RALGAPA2: variants seen among roughly 807,000 people sequenced by gnomAD.
RALGAPA2 encodes Ral GTPase activating protein catalytic subunit alpha 2.
RALGAPA2 carries 139 observed loss-of-function variants against 230.4 expected under a neutral mutation model. The observed-to-expected ratio is 0.60, with a 90% CI of 0.53 to 0.69. The LOEUF is 0.69. Ranked by LOEUF, RALGAPA2 falls within the 30% of genes least tolerant of loss-of-function variation. RALGAPA2 has a pLI of 0.00. For synonymous variants in RALGAPA2, 847 were observed against 837.8 expected (o/e 1.01, Z -0.19); for missense variants, 2,163 against 2,276.0 (o/e 0.95, Z 1.01).
At chr20:20,567,620 T>G (rs1408546077) in intron 23 of RALGAPA2, among the ~76,000 whole-genome samples, 2 of 152,150 alleles carry the variant, frequency 1.3e-5, no homozygotes, top group Non-Finnish European at 2.9e-5. Flanking sequence ...AGCCTGTATG[T>G]GAATTCTAAC....
chr20:20,461,442 G>A (rs73287263), intron 37 of RALGAPA2, among the ~76,000 whole-genome samples: 3 of 152,114 alleles, frequency 2.0e-5, no homozygotes, highest in Middle Eastern at 3.4e-3. Flanking sequence ...CAGCTAAGCC[G>A]AACTCTCAGC....
At chr20:20,644,306 T>C (rs568486681) in intron 4 of RALGAPA2, among the ~76,000 whole-genome samples, 1 of 152,260 alleles carries the variant, frequency 6.6e-6, no homozygotes, top group East Asian at 1.9e-4. Context: ...TCAGATCCTT[T>C]AAGAAAAAAA....
chr20:20,408,877 C>T (rs888875214), intron 38 of RALGAPA2, among the ~76,000 whole-genome samples: 2 of 152,248 alleles, frequency 1.3e-5, no homozygotes, highest in African/African-American at 4.8e-5. Flanking sequence ...AACTATAGTG[C>T]TAGGTAAAAA....
At chr20:20,531,841 T>C (rs2063377004) in intron 26 of RALGAPA2, 46 bp from the exon 27 acceptor site, 2 of 1,365,276 alleles carry the variant, frequency 1.5e-6, no homozygotes, top group Admixed American at 2.0e-5. Context: ...TGAAACTTAA[T>C]ATACTTTCTC....
chr20:20,503,581 C>A, intron 34 of RALGAPA2, 75 bp from the exon 35 acceptor site: 1 of 1,162,286 alleles, frequency 8.6e-7, no homozygotes, highest in Non-Finnish European at 1.1e-6. Context: ...ACTGTGAATT[C>A]AGAAAAAAAA....
chr20:20,407,143 G>C (rs1028851021), intron 38 of RALGAPA2, among the ~76,000 whole-genome samples: 2 of 152,126 alleles, frequency 1.3e-5, no homozygotes, highest in South Asian at 4.1e-4. Flanking sequence ...AAATTAATGT[G>C]ACAGGGTTAG....
intron 3 of RALGAPA2, among the ~76,000 whole-genome samples, chr20:20,662,165 T>C (rs1250244831): frequency 1.3e-5 from 2 of 152,204 alleles, no homozygotes; most frequent in Non-Finnish European, 2.9e-5. Context: ...TACAAAGTTA[T>C]TATTCTAAGC....
At chr20:20,436,757 C>T (rs1420567294) in intron 37 of RALGAPA2, among the ~76,000 whole-genome samples, 3 of 152,210 alleles carry the variant, frequency 2.0e-5, no homozygotes, top group Admixed American at 6.5e-5. Flanking sequence ...GGGTGAGTAG[C>T]GTTCTGGGAG....
chr20:20,492,636 G>T (rs770143693), intron 36 of RALGAPA2, among the ~76,000 whole-genome samples: 19 of 152,142 alleles, frequency 1.2e-4, no homozygotes, highest in African/African-American at 4.3e-4. Context: ...CAGGGAGCCC[G>T]CAGCATGTCC....
At chr20:20,470,107 C>G (rs185723074) in intron 37 of RALGAPA2, among the ~76,000 whole-genome samples, 2 of 152,216 alleles carry the variant, frequency 1.3e-5, no homozygotes, top group Admixed American at 1.3e-4. Flanking sequence ...GCCTTTGCTG[C>G]AGAGTTCCAA....
At chr20:20,663,479 TTTC>T in intron 3 of RALGAPA2, among the ~76,000 whole-genome samples, 2 of 152,294 alleles carry the variant, frequency 1.3e-5, no homozygotes, top group Middle Eastern at 3.4e-3. Context: ...AGTTTTTTTC[TTTC>T]TTATTAAGTC....
chr20:20,533,988 G>A (rs2063433228), intron 26 of RALGAPA2, among the ~76,000 whole-genome samples: 1 of 152,064 alleles, frequency 6.6e-6, no homozygotes, highest in Non-Finnish European at 1.5e-5. Context: ...GCAAATAAAA[G>A]CAAATATAAA....
chr20:20,412,508 C>T (rs767081725), intron 37 of RALGAPA2, among the ~76,000 whole-genome samples: 1 of 152,186 alleles, frequency 6.6e-6, no homozygotes, highest in Non-Finnish European at 1.5e-5. Flanking sequence ...CATCCTATTT[C>T]AGTGGATAAA....
At chr20:20,451,539 C>T (rs918238386) in intron 37 of RALGAPA2, among the ~76,000 whole-genome samples, 1 of 152,176 alleles carries the variant, frequency 6.6e-6, no homozygotes, top group Non-Finnish European at 1.5e-5. Context: ...ACTGCCTAAT[C>T]ATTTCATGGT....
chr20:20,650,048 T>C (rs947366939), intron 4 of RALGAPA2, among the ~76,000 whole-genome samples: 2 of 152,210 alleles, frequency 1.3e-5, no homozygotes, highest in African/African-American at 4.8e-5. Context: ...GCAGAGCTCA[T>C]GAGTATTGTG....
At position 20,601,732 on chromosome 20, in the gene RALGAPA2, C is replaced by T. The variant is rs996772698; in HGVS notation, c.2153G>A (p.Gly718Glu). ...PMRFRSATTSGAPGVEKARNI... is the reference protein window; with the variant it reads ...PMRFRSATTSEAPGVEKARNI... ...TCTTGCCTTTTCCACTCCCGGTGCTCCAGACGTGGTGGCACTCCTAAATCG... is the reference window on the plus strand; with the variant it reads ...TCTTGCCTTTTCCACTCCCGGTGCTTCAGACGTGGTGGCACTCCTAAATCG... Residue 718 changes from glycine to glutamate, a missense_variant, in exon 16 of 40, where the codon GGA (glycine) becomes GAA (glutamate). Transcript: ENST00000202677. The T allele has an allele frequency of 1.2e-5, 20 of 1,613,592 alleles. No homozygotes were observed. Among genetic ancestry groups the T allele is most frequent in the Non-Finnish European group, 1.7e-5 (20 of 1,179,712 alleles).
intron 7 of RALGAPA2, 78 bp downstream of exon 7, chr20:20,639,707 C>G (rs994896046): frequency 1.0e-6 from 1 of 997,140 alleles, no homozygotes; most frequent in African/African-American, 1.6e-5. Flanking sequence ...TATAGATACA[C>G]AGAGGGAAAA....
intron 24 of RALGAPA2, 38 bp from the exon 25 acceptor site, chr20:20,536,822 T>C (rs1157429238): frequency 6.3e-7 from 1 of 1,589,330 alleles, no homozygotes; most frequent in Non-Finnish European, 8.6e-7. Context: ...ATTTCTCTTT[T>C]TGTAAGTTAG....
intron 38 of RALGAPA2, among the ~76,000 whole-genome samples, chr20:20,407,110 T>C (rs1449218432): frequency 6.6e-6 from 1 of 152,152 alleles, no homozygotes; most frequent in African/African-American, 2.4e-5. Context: ...GGTCCCTTCC[T>C]GGGTTGGTCT....
Sources: allele counts gnomAD v4.1 joint callset (sites outside exome capture counted in the v4.1 genomes callset), GRCh38; gene constraint gnomAD v4.1.1; transcripts MANE v1.5; gene names NCBI Gene and HGNC (gene_info 2026-07-23, HGNC 2026-07-21).